XKR6: variants seen among roughly 807,000 people sequenced by gnomAD.
The protein encoded by XKR6 is XK related 6.
Under a neutral mutation model 56.7 loss-of-function variants are expected in XKR6, and 22 were observed. The observed-to-expected ratio is 0.39, with a 90% confidence interval of 0.28 to 0.55. The LOEUF (loss-of-function observed/expected upper bound fraction) is 0.55. XKR6 is among the 20% of genes least tolerant of loss of function. XKR6 has a pLI of 0.66. For synonymous variants in XKR6, 524 were observed against 387.8 expected (o/e 1.35, Z -4.13); for missense variants, 852 against 889.0 (o/e 0.96, Z 0.53).
rs557683362 is a variant in XKR6 at position 11,082,025 on chromosome 8, G to C, written c.764+118551C>G. Among the ~76,000 whole-genome samples the C allele has an allele frequency of 6.6e-5, 10 of 152,308 alleles. No individual in the cohort carries two copies. The East Asian group carries it at 1.7e-3, about 26-fold the overall frequency. Reference sequence around the variant, plus strand: ...ACCTGGAAGGAAGTGCATGCCCAAGGGTGCCAGTTGGAGGGGAGCTAGCAG... The same window carrying C: ...ACCTGGAAGGAAGTGCATGCCCAAGCGTGCCAGTTGGAGGGGAGCTAGCAG... On this transcript the variant is annotated intron_variant, in intron 1 of 2. Transcript: ENST00000416569.
chr8:11,036,039 G>A (rs998801550), intron 1 of XKR6, among the ~76,000 whole-genome samples: 2 of 150,912 alleles, frequency 1.3e-5, no homozygotes, highest in African/African-American at 4.9e-5. Flanking sequence ...GACCTCCTGG[G>A]CTCAAGCAAT....
chr8:11,083,138 G>A (rs1196167909), intron 1 of XKR6, among the ~76,000 whole-genome samples: 2 of 152,064 alleles, frequency 1.3e-5, no homozygotes, highest in Non-Finnish European at 2.9e-5. Context: ...TCCGAGTCTC[G>A]GCAGCCAGTG....
intron 1 of XKR6, among the ~76,000 whole-genome samples, chr8:11,185,889 C>G (rs1011606622): frequency 6.6e-6 from 1 of 152,196 alleles, no homozygotes; most frequent in African/African-American, 2.4e-5. Flanking sequence ...CATTAAACTT[C>G]ACAACTATTT....
intron 1 of XKR6, among the ~76,000 whole-genome samples, chr8:11,192,467 G>A (rs1447542202): frequency 3.3e-5 from 5 of 152,040 alleles, no homozygotes; most frequent in Non-Finnish European, 5.9e-5. Context: ...CTTTTTAAAC[G>A]AGTAAAGCAT....
Position 10,992,433 on chromosome 8 carries a change from G to A in XKR6, c.765-67603C>T, listed in dbSNP as rs746051917. Among the ~76,000 whole-genome samples, 109 of 152,066 alleles carry A rather than the reference G, an allele frequency of 7.2e-4. 1 individual carries two copies. The highest frequency in any genetic ancestry group is 2.4e-3 in the African/African-American group (101 of 41,404). Reference sequence around the variant, plus strand: ...CTAACTGGTCCCTAATTCCCTCTCCGTGTGGAGGGGCAGATGTGCTTCTTT... The same window carrying A: ...CTAACTGGTCCCTAATTCCCTCTCCATGTGGAGGGGCAGATGTGCTTCTTT... On this transcript the variant is annotated intron_variant, in intron 1 of 2. Transcript: ENST00000416569.
At chr8:10,992,781 A>C (rs1798022761) in intron 1 of XKR6, among the ~76,000 whole-genome samples, 1 of 152,174 alleles carries the variant, frequency 6.6e-6, no homozygotes, top group South Asian at 2.1e-4. Flanking sequence ...GTGATGCTGC[A>C]ACTGACGCAG....
chr8:10,977,254 T>C (rs1405349496), intron 1 of XKR6, among the ~76,000 whole-genome samples: 1 of 152,074 alleles, frequency 6.6e-6, no homozygotes, highest in African/African-American at 2.4e-5. Flanking sequence ...CCTGAAACCA[T>C]GGAGATTTTC....
chr8:11,197,472 TAAC>T (rs1353356792), intron 1 of XKR6, among the ~76,000 whole-genome samples: 4 of 152,196 alleles, frequency 2.6e-5, no homozygotes, highest in Admixed American at 1.3e-4. Context: ...CACTCTCTAT[TAAC>T]AACACATTGT....
chr8:11,156,538 G>C (rs1379569377), intron 1 of XKR6, among the ~76,000 whole-genome samples: 1 of 152,102 alleles, frequency 6.6e-6, no homozygotes, highest in Non-Finnish European at 1.5e-5. Context: ...AATGTTTTTG[G>C]AGAAAAAGTC....
At chr8:11,118,449 T>C (rs1157602812) in intron 1 of XKR6, among the ~76,000 whole-genome samples, 1 of 152,224 alleles carries the variant, frequency 6.6e-6, no homozygotes, top group Non-Finnish European at 1.5e-5. Flanking sequence ...GGACTTTTTT[T>C]AGTTGGTAAG....
intron 1 of XKR6, among the ~76,000 whole-genome samples, chr8:11,196,439 A>C (rs529548238): frequency 1.5e-4 from 23 of 152,294 alleles, no homozygotes; most frequent in African/African-American, 2.6e-4. Context: ...AAAACAAAAA[A>C]AACAACAACA....
intron 1 of XKR6, among the ~76,000 whole-genome samples, chr8:10,983,625 A>T (rs930796580): frequency 4.6e-5 from 7 of 151,978 alleles, no homozygotes; most frequent in African/African-American, 1.7e-4. Context: ...ACTGTTCAAG[A>T]CTATAGAAAA....
intron 1 of XKR6, among the ~76,000 whole-genome samples, chr8:10,985,405 AG>A (rs1196667883): frequency 6.6e-6 from 1 of 152,156 alleles, no homozygotes; most frequent in African/African-American, 2.4e-5. Flanking sequence ...CATGATTGTA[AG>A]ATTAAAAGGA....
intron 1 of XKR6, among the ~76,000 whole-genome samples, chr8:11,143,744 G>C (rs1269047308): frequency 6.6e-6 from 1 of 152,180 alleles, no homozygotes; most frequent in Non-Finnish European, 1.5e-5. Context: ...TGTGGTCCTG[G>C]ATGGTGGCTA....
intron 1 of XKR6, among the ~76,000 whole-genome samples, chr8:11,188,228 T>C (rs952426710): frequency 1.3e-5 from 2 of 152,142 alleles, no homozygotes; most frequent in Admixed American, 6.6e-5. Flanking sequence ...GCCTGACACA[T>C]ATCACATTTA....
At chr8:11,146,460 T>C (rs1800988541) in intron 1 of XKR6, among the ~76,000 whole-genome samples, 1 of 152,180 alleles carries the variant, frequency 6.6e-6, no homozygotes, top group African/African-American at 2.4e-5. Context: ...ACGCCATCTC[T>C]ACAGAAAGAT....
At chr8:11,185,652 G>C (rs1160585617) in intron 1 of XKR6, among the ~76,000 whole-genome samples, 1 of 152,160 alleles carries the variant, frequency 6.6e-6, no homozygotes, top group African/African-American at 2.4e-5. Context: ...TTTTGAAAGA[G>C]TACATTAGCT....
chr8:10,973,129 A>G (rs1186898041), intron 1 of XKR6, among the ~76,000 whole-genome samples: 8 of 152,242 alleles, frequency 5.3e-5, no homozygotes, highest in South Asian at 2.1e-4. Context: ...AACACGCATT[A>G]TAGGACTAGA....
intron 1 of XKR6, among the ~76,000 whole-genome samples, chr8:11,144,300 T>G (rs1178992534): frequency 6.8e-6 from 1 of 147,308 alleles, no homozygotes; most frequent in Non-Finnish European, 1.5e-5. Flanking sequence ...CTCCTGAAAC[T>G]CTCATGAAAT....
Sources: allele counts gnomAD v4.1 joint callset (sites outside exome capture counted in the v4.1 genomes callset), GRCh38; gene constraint gnomAD v4.1.1; transcripts MANE v1.5; gene names NCBI Gene and HGNC (gene_info 2026-07-23, HGNC 2026-07-21).